PCDHA7: variants seen among roughly 807,000 people sequenced by gnomAD.
PCDHA7 encodes protocadherin alpha 7.
PCDHA7 carries 37 observed loss-of-function variants against 57.2 expected under a neutral mutation model. The ratio of observed to expected loss-of-function variants is 0.65; its 90% confidence interval spans 0.50 to 0.85. PCDHA7 has a LOEUF of 0.85. Among genes scored for constraint, PCDHA7 ranks in the 40% least tolerant of loss-of-function variants. The pLI, the probability that PCDHA7 is intolerant of heterozygous loss-of-function variation, is 0.00. For synonymous variants in PCDHA7, 553 were observed against 558.8 expected, an observed-to-expected ratio of 0.99 and a Z score of 0.15; for missense variants, 1,188 against 1,241.8, an observed-to-expected ratio of 0.96 and a Z score of 0.65.
intron 1 of PCDHA7, chr5:140,871,196 AC>A (rs782394304): frequency 1.7e-5 from 28 of 1,613,546 alleles, no homozygotes; most frequent in Non-Finnish European, 2.2e-5. Context: ...GTCAACGTGT[AC>A]CTGATCATCG....
At chr5:140,916,327 A>G (rs1218792272) in intron 1 of PCDHA7, among the ~76,000 whole-genome samples, 5 of 152,226 alleles carry the variant, frequency 3.3e-5, no homozygotes, top group African/African-American at 1.2e-4. Context: ...AGTCCCCTTT[A>G]CTTTTTCCTC....
Position 141,010,072 on chromosome 5 carries a change from C to T in PCDHA7, c.*135C>T. The T allele has an allele frequency of 3.1e-6, 5 of 1,606,334 alleles. No individual in the cohort carries two copies. The highest frequency in any genetic ancestry group is 4.3e-6 in the Non-Finnish European group (5 of 1,176,104). On this transcript the variant is annotated 3_prime_UTR_variant, in exon 4 of 4. Transcript: ENST00000525929. Reference sequence around the variant, plus strand: ...ACCTCAGAAATCTGCAGAAAGTTCCCTGTGTCTGTCTAGAACGCATTTAAC... The same window carrying T: ...ACCTCAGAAATCTGCAGAAAGTTCCTTGTGTCTGTCTAGAACGCATTTAAC...
In PCDHA7 at chr5:140,850,319, A is replaced by T. The variant is rs1407979146; in HGVS notation, c.2355+13581A>T. On this transcript the variant is annotated intron_variant, in intron 1 of 3. Transcript: ENST00000525929. ...ACTCGGGCTACAACGCGTGGCTTTC[A>T]TACGAGCTGCAGCCAGAAACGGCCA... 3.1e-6 allele frequency: 5 copies of T among 1,597,446 alleles called. No individual in the cohort carries two copies. In the African/African-American group the frequency reaches 6.7e-5, roughly 21 times the overall value.
chr5:140,978,424 T>C (rs1554239310), intron 1 of PCDHA7, among the ~76,000 whole-genome samples: 1 of 152,238 alleles, frequency 6.6e-6, no homozygotes, highest in African/African-American at 2.4e-5. Flanking sequence ...GAGACTGTTA[T>C]CAGTTGCTGG....
At chr5:140,861,184 A>G in intron 1 of PCDHA7, 1 of 160,152 alleles carries the variant, frequency 6.2e-6, no homozygotes, top group Non-Finnish European at 1.4e-5. Context: ...AAGTCTTTCT[A>G]GTCATGAAAT....
At chr5:140,918,097 A>C (rs193088313) in intron 1 of PCDHA7, among the ~76,000 whole-genome samples, 2 of 152,192 alleles carry the variant, frequency 1.3e-5, no homozygotes, top group Non-Finnish European at 2.9e-5. Flanking sequence ...CTTTTTATAG[A>C]GATCTTTCAC....
chr5:140,964,216 T>C (rs1267795511), intron 1 of PCDHA7, among the ~76,000 whole-genome samples: 1 of 152,214 alleles, frequency 6.6e-6, no homozygotes, highest in Non-Finnish European at 1.5e-5. Context: ...TAGTACAATG[T>C]CTTTCAAAAT....
chr5:140,883,339 C>G (rs142984869), intron 1 of PCDHA7: 2 of 1,614,172 alleles, frequency 1.2e-6, no homozygotes, highest in South Asian at 2.2e-5. Flanking sequence ...CTTTGTCACT[C>G]CCCATCAGAG....
intron 1 of PCDHA7, chr5:140,857,235 T>C: frequency 6.3e-7 from 1 of 1,598,634 alleles, no homozygotes; most frequent in Non-Finnish European, 8.6e-7. Context: ...CCGTTCAAGC[T>C]GGTGTCCACC....
chr5:140,933,377 C>A lies in PCDHA7; in HGVS notation c.2356-45572C>A, dbSNP rs910236493. Among the ~76,000 whole-genome samples the A allele has an allele frequency of 3.9e-5, 6 of 151,980 alleles. No homozygotes were observed. In the South Asian group the frequency reaches 1.2e-3, roughly 31 times the overall value. On this transcript the variant is annotated intron_variant, in intron 1 of 3. Transcript: ENST00000525929. ...TTCTAACCCATCCCAAATTCCTTGG[C>A]TGTTCCTAGAGCCATCTGGTTACCA...
intron 1 of PCDHA7, among the ~76,000 whole-genome samples, chr5:140,949,544 T>C (rs981428881): frequency 5.3e-5 from 8 of 151,908 alleles, no homozygotes; most frequent in Non-Finnish European, 1.2e-4. Flanking sequence ...TATCGATTTG[T>C]TGCTGGTCAT....
At chr5:141,003,750 A>T (rs868985181) in intron 3 of PCDHA7, among the ~76,000 whole-genome samples, 3 of 152,226 alleles carry the variant, frequency 2.0e-5, no homozygotes, top group African/African-American at 7.2e-5. Flanking sequence ...CATATTTTGT[A>T]TAATTATGGT....
At position 140,834,327 on chromosome 5, in the gene PCDHA7, T is replaced by A. The variant is rs1181484753; in HGVS notation, c.-57T>A. On this transcript the variant is annotated 5_prime_UTR_variant, in exon 1 of 4. Coordinates refer to ENST00000525929, the MANE Select transcript of PCDHA7 (RefSeq NM_018910.3). ...AGATTGAAATGAAGGGATAAAAACA[T>A]TCCTATAAATTCGAAGGCAAGTTTT... 1 of 1,451,888 alleles carries A rather than the reference T, an allele frequency of 6.9e-7. No individual in the cohort carries two copies. The highest frequency in any genetic ancestry group is 9.4e-7 in the Non-Finnish European group (1 of 1,067,950). The allele number at this position is 1,451,888 out of a possible 1,614,324, so 89.9% of individuals were successfully genotyped here.
At chr5:140,862,906 C>A in intron 1 of PCDHA7, 1 of 554,064 alleles carries the variant, frequency 1.8e-6, no homozygotes, top group Non-Finnish European at 3.5e-6. Flanking sequence ...GTCTGCGCTG[C>A]TGGCGCCTTG....
In PCDHA7 at chr5:140,882,891, A is replaced by T. The variant is rs782750187; in HGVS notation, c.2355+46153A>T. 1 of 1,614,230 alleles carries T rather than the reference A, an allele frequency of 6.2e-7. No individual in the cohort carries two copies. The highest frequency in any genetic ancestry group is 8.5e-7 in the Non-Finnish European group (1 of 1,180,042). On this transcript the variant is annotated intron_variant, in intron 1 of 3. Transcript: ENST00000525929. ...CTGGACAGAGAGGAAATTCAGGAAC[A>T]TAGTTTATTACTGACAGCCAGTGAT...
At chr5:140,947,299 C>T (rs547529076) in intron 1 of PCDHA7, among the ~76,000 whole-genome samples, 1 of 151,554 alleles carries the variant, frequency 6.6e-6, no homozygotes, top group South Asian at 2.1e-4. Context: ...ATTATCTTGA[C>T]ATCTTTGTAA....
intron 3 of PCDHA7, among the ~76,000 whole-genome samples, chr5:140,992,803 G>A (rs2097529196): frequency 6.6e-6 from 1 of 152,146 alleles, no homozygotes; most frequent in African/African-American, 2.4e-5. Context: ...GGATCCATAT[G>A]TATCTAAGGA....
At chr5:140,980,440 G>A (rs1317929590) in intron 2 of PCDHA7, among the ~76,000 whole-genome samples, 1 of 152,144 alleles carries the variant, frequency 6.6e-6, no homozygotes, top group African/African-American at 2.4e-5. Flanking sequence ...GACCATCCTG[G>A]ACAACACGGT....
At chr5:140,918,940 A>C (rs541337613) in intron 1 of PCDHA7, among the ~76,000 whole-genome samples, 51 of 152,328 alleles carry the variant, frequency 3.3e-4, no homozygotes, top group African/African-American at 1.2e-3. Flanking sequence ...TTTTGTTATA[A>C]TATCCTGAAC....
Sources: gnomAD v4.1 joint callset for allele counts (sites outside exome capture counted in the v4.1 genomes callset) on GRCh38, gnomAD v4.1.1 for gene constraint, MANE v1.5 for transcripts, NCBI Gene and HGNC (gene_info 2026-07-23, HGNC 2026-07-21) for gene names.